The following NBEA variants were observed in gnomAD, a reference collection of about 807,000 sequenced individuals.
NBEA encodes the protein neurobeachin.
NBEA carries 44 observed loss-of-function variants against 343.4 expected under a neutral mutation model. The ratio of observed to expected loss-of-function variants is 0.13; its 90% CI spans 0.10 to 0.16. The LOEUF (loss-of-function observed/expected upper bound fraction) is 0.16, where lower values mean the gene tolerates loss of function less well. NBEA is among the 10% of genes least tolerant of loss of function. The probability of loss-of-function intolerance (pLI) is 1.00; values close to 1 mark genes in which losing one functional copy is unlikely to be tolerated. For synonymous variants in NBEA, 1,175 were observed against 1,238.7 expected, an observed-to-expected ratio of 0.95 and a Z score of 1.08; for missense variants, 2,555 against 3,631.3, an observed-to-expected ratio of 0.70 and a Z score of 7.62.
chr13:35,407,216 C>T (rs1383863960), intron 38 of NBEA, among the ~76,000 whole-genome samples: 2 of 151,902 alleles, frequency 1.3e-5, no homozygotes, highest in African/African-American at 4.8e-5. Context: ...CCACCTGCCT[C>T]AGCCTCCCAA....
chr13:35,532,042 A>G (rs961171779), intron 41 of NBEA, among the ~76,000 whole-genome samples: 1 of 152,194 alleles, frequency 6.6e-6, no homozygotes, highest in Admixed American at 6.5e-5. Context: ...GGCGGCTCAT[A>G]AAAGACATAG....
chr13:35,161,630 A>C, intron 22 of NBEA, 120 bp from the exon 23 acceptor site: 1 of 900,934 alleles, frequency 1.1e-6, no homozygotes, highest in South Asian at 1.8e-5. Context: ...AAATATATTA[A>C]ACTGCTAAAG....
chr13:35,576,112 T>G lies in NBEA; in HGVS notation c.7036-7786T>G, dbSNP rs181408928. Among the ~76,000 whole-genome samples the G allele has an allele frequency of 2.0e-4, 31 of 151,702 alleles. No homozygotes were observed. The East Asian group carries it at 2.7e-3, about 13-fold the overall frequency. On this transcript the variant is annotated intron_variant, in intron 45 of 58. Coordinates refer to ENST00000379939, the MANE Select transcript of NBEA (RefSeq NM_001385012.1). The stretch of plus-strand genomic sequence containing the variant: ...TTGATAATAGAAGTTTTTTGTTTTG[T>G]TTTGGTTTGGTTTTTTTTTTTTGAG...
intron 44 of NBEA, among the ~76,000 whole-genome samples, chr13:35,565,308 T>A (rs550537382): frequency 4.7e-4 from 71 of 152,366 alleles, no homozygotes; most frequent in African/African-American, 1.6e-3. Context: ...ATAAAGTGTT[T>A]TCTAAATATA....
At chr13:35,197,659 C>A (rs963810764) in intron 31 of NBEA, among the ~76,000 whole-genome samples, 1 of 151,932 alleles carries the variant, frequency 6.6e-6, no homozygotes, top group South Asian at 2.1e-4. Flanking sequence ...CCTGCCACCA[C>A]GCCTGGCTAA....
chr13:35,102,992 A>G (rs534107874), intron 11 of NBEA, among the ~76,000 whole-genome samples: 1 of 151,914 alleles, frequency 6.6e-6, no homozygotes, highest in African/African-American at 2.4e-5. Context: ...ACTAAGTATG[A>G]TATTTTTAAT....
intron 41 of NBEA, among the ~76,000 whole-genome samples, chr13:35,546,665 G>C (rs2079075248): frequency 6.6e-6 from 1 of 151,156 alleles, no homozygotes; most frequent in African/African-American, 2.4e-5. Flanking sequence ...CAATTCTCCT[G>C]CCGCAGCCTC....
chr13:35,252,555 C>G (rs2032109078), intron 34 of NBEA, among the ~76,000 whole-genome samples: 1 of 152,158 alleles, frequency 6.6e-6, no homozygotes. Context: ...GACTGGGGAG[C>G]ACAGTTGTCA....
At chr13:35,447,569 CAT>C (rs1471960882) in intron 39 of NBEA, among the ~76,000 whole-genome samples, 2 of 151,884 alleles carry the variant, frequency 1.3e-5, no homozygotes, top group African/African-American at 4.8e-5. Context: ...TAGAAAATAA[CAT>C]AAGTGCGGTT....
intron 34 of NBEA, among the ~76,000 whole-genome samples, chr13:35,238,864 T>C (rs1474272016): frequency 6.6e-6 from 1 of 152,074 alleles, no homozygotes; most frequent in Non-Finnish European, 1.5e-5. Context: ...AGTATATAAA[T>C]ATAGCATGAA....
chr13:35,144,164 TAC>T (rs1314244121), intron 18 of NBEA, among the ~76,000 whole-genome samples: 1 of 152,160 alleles, frequency 6.6e-6, no homozygotes, highest in African/African-American at 2.4e-5. Context: ...AAGAGAAAAG[TAC>T]ACACTCAGGA....
At chr13:34,986,596 C>T (rs2060556420) in intron 1 of NBEA, among the ~76,000 whole-genome samples, 2 of 150,594 alleles carry the variant, frequency 1.3e-5, no homozygotes, top group South Asian at 4.2e-4. Flanking sequence ...TCCTTGTTAA[C>T]CTTTGGTCTC....
At chr13:34,955,717 A>G (rs758352136) in intron 1 of NBEA, among the ~76,000 whole-genome samples, 3 of 152,158 alleles carry the variant, frequency 2.0e-5, no homozygotes, top group Non-Finnish European at 4.4e-5. Flanking sequence ...TTAAAATTCT[A>G]GTAGTACAGT....
At chr13:35,438,070 G>T (rs1001823514) in intron 39 of NBEA, among the ~76,000 whole-genome samples, 1 of 151,920 alleles carries the variant, frequency 6.6e-6, no homozygotes, top group African/African-American at 2.4e-5. Flanking sequence ...TCTTAAATAG[G>T]TCTGATCAGG....
In NBEA at chr13:35,175,156, C is replaced by G. The variant is rs982675439; in HGVS notation, c.4554+1562C>G. Among the ~76,000 whole-genome samples, 4 of 152,140 alleles carry G rather than the reference C, an allele frequency of 2.6e-5. No individual in the cohort carries two copies. In the East Asian group the frequency reaches 7.7e-4, roughly 29 times the overall value. ...AGGACAACTCTAGAATCAGACAGTT[C>G]TGAGTTTGTGTTCTGGCTTTACCAC... is the stretch of plus-strand genomic sequence containing the variant. On this transcript the variant is annotated intron_variant, in intron 27 of 58. Transcript: ENST00000379939.
chr13:35,291,741 G>A (rs933320968), intron 35 of NBEA, among the ~76,000 whole-genome samples: 1 of 151,820 alleles, frequency 6.6e-6, no homozygotes, highest in Admixed American at 6.6e-5. Flanking sequence ...GTCTTTGATG[G>A]CCTCATCATC....
intron 11 of NBEA, among the ~76,000 whole-genome samples, chr13:35,101,469 T>C (rs533469906): frequency 6.6e-6 from 1 of 152,060 alleles, no homozygotes; most frequent in East Asian, 1.9e-4. Context: ...GTTGTCTATT[T>C]TCATGTGCTT....
chr13:35,284,882 C>T (rs987985942), intron 34 of NBEA, among the ~76,000 whole-genome samples: 15 of 151,578 alleles, frequency 9.9e-5, no homozygotes, highest in African/African-American at 2.9e-4. Flanking sequence ...TACTGTTGTG[C>T]AGATAGAGGT....
chr13:35,080,246 A>G (rs1258332546), intron 10 of NBEA, among the ~76,000 whole-genome samples: 2 of 152,280 alleles, frequency 1.3e-5, no homozygotes, highest in Middle Eastern at 3.4e-3. Context: ...ACTGTCGTAC[A>G]TATTATTTTA....
Sources: allele counts gnomAD v4.1 joint callset (sites outside exome capture counted in the v4.1 genomes callset), GRCh38; gene constraint gnomAD v4.1.1; transcripts MANE v1.5; gene names NCBI Gene and HGNC (gene_info 2026-07-23, HGNC 2026-07-21).